The following FAM20C variants were observed in gnomAD, a reference collection of about 807,000 sequenced individuals.
FAM20C encodes the protein FAM20C golgi associated secretory pathway kinase.
In FAM20C, 40 loss-of-function variants were observed where a neutral mutation model predicts 51.5. The observed-to-expected ratio is 0.78, with a 90% CI of 0.60 to 1.01. The LOEUF is 1.01. FAM20C is among the 50% of genes least tolerant of loss of function. FAM20C has a pLI of 0.00. For synonymous variants in FAM20C, 406 were observed against 380.6 expected, an observed-to-expected ratio of 1.07 and a Z score of -0.78; for missense variants, 861 against 844.7, an observed-to-expected ratio of 1.02 and a Z score of -0.24.
At chr7:222,354 T>C (rs1787264087) in intron 3 of FAM20C, among the ~76,000 whole-genome samples, 1 of 151,952 alleles carries the variant, frequency 6.6e-6, no homozygotes, top group African/African-American at 2.4e-5. Context: ...AGTGCTGCAG[T>C]TGGGTACTGA....
chr7:194,057 CT>C, intron 1 of FAM20C: 1 of 500,586 alleles, frequency 2.0e-6, no homozygotes, highest in Middle Eastern at 5.3e-4. Context: ...ACCCCGCGCC[CT>C]TTAGAAGCGA....
chr7:227,228 G>T (rs780407671), intron 3 of FAM20C, among the ~76,000 whole-genome samples: 1 of 151,842 alleles, frequency 6.6e-6, no homozygotes, highest in South Asian at 2.1e-4. Flanking sequence ...GTGGGCCATC[G>T]TTCTAATTGT....
chr7:252,494 G>A (rs142936406), intron 5 of FAM20C, among the ~76,000 whole-genome samples: 1,628 of 144,646 alleles, frequency 0.011, 13 homozygotes, highest in Middle Eastern at 0.028. Context: ...TCCCAACCAC[G>A]GATGCCAGGT....
At chr7:226,083 G>A (rs1787432938) in intron 3 of FAM20C, among the ~76,000 whole-genome samples, 1 of 152,170 alleles carries the variant, frequency 6.6e-6, no homozygotes, top group Non-Finnish European at 1.5e-5. Flanking sequence ...GGTGATCTTG[G>A]GGGTCAGACA....
chr7:260,270 T>A lies in FAM20C; in HGVS notation c.*290T>A. Reference sequence around the variant, plus strand: ...GGAAAGGAGCCTTTATTTACTATTTTGTATTTATATTTGATGAATAAGTAT... The same window carrying A: ...GGAAAGGAGCCTTTATTTACTATTTAGTATTTATATTTGATGAATAAGTAT... On this transcript the variant is annotated 3_prime_UTR_variant, in exon 10 of 10. Coordinates refer to ENST00000313766, the MANE Select transcript of FAM20C (RefSeq NM_020223.4). 2.8e-6 allele frequency: 1 copy of A among 352,614 alleles called. No individual in the cohort carries two copies. Among genetic ancestry groups the A allele is most frequent in the Non-Finnish European group, 5.1e-6 (1 of 194,536 alleles). 21.8% of individuals were successfully genotyped at this position (352,614 alleles called of 1,614,324 possible). A position where few individuals can be genotyped will look rare whatever the true frequency, so the allele number is the denominator to read the frequency against.
intron 3 of FAM20C, among the ~76,000 whole-genome samples, chr7:217,685 C>T (rs1042191055): frequency 2.0e-5 from 3 of 152,150 alleles, no homozygotes; most frequent in East Asian, 1.9e-4. Flanking sequence ...GGGTTCTCTG[C>T]AGTCCCACGT....
chr7:250,641 G>A (rs1318673462), intron 5 of FAM20C, among the ~76,000 whole-genome samples: 4 of 152,118 alleles, frequency 2.6e-5, no homozygotes, highest in Non-Finnish European at 2.9e-5. Context: ...CCTGAGCTCC[G>A]GCCGCTGTCA....
chr7:204,231 A>G (rs1583284157), intron 2 of FAM20C, among the ~76,000 whole-genome samples: 1 of 152,316 alleles, frequency 6.6e-6, no homozygotes, highest in East Asian at 1.9e-4. Context: ...ACCCCCCGGT[A>G]CCCGGTGAGA....
At chr7:204,208 G>C (rs1005134553) in intron 2 of FAM20C, among the ~76,000 whole-genome samples, 1 of 151,864 alleles carries the variant, frequency 6.6e-6, no homozygotes, top group Non-Finnish European at 1.5e-5. Context: ...TACGCTGTTT[G>C]CTGTCATTGA....
chr7:232,190 G>A (rs1320531753), intron 3 of FAM20C, among the ~76,000 whole-genome samples: 1 of 152,230 alleles, frequency 6.6e-6, no homozygotes, highest in Admixed American at 6.5e-5. Flanking sequence ...TGCCTCCTCT[G>A]CAATGCTTCT....
chr7:195,984 C>G (rs1164388239), intron 2 of FAM20C, among the ~76,000 whole-genome samples: 1 of 152,264 alleles, frequency 6.6e-6, no homozygotes, highest in Non-Finnish European at 1.5e-5. Context: ...CCACTGCGCT[C>G]TGCGTCCTCA....
At chr7:237,705 T>C (rs930997164) in intron 3 of FAM20C, among the ~76,000 whole-genome samples, 8 of 143,612 alleles carry the variant, frequency 5.6e-5, no homozygotes, top group Non-Finnish European at 9.1e-5. Context: ...ATGGTGATAA[T>C]GATGATAATG....
At chr7:256,968 C>T (rs1264091251) in intron 7 of FAM20C, 37 bp from the exon 8 acceptor site, 1 of 1,534,814 alleles carries the variant, frequency 6.5e-7, no homozygotes, top group African/African-American at 1.4e-5. Context: ...TGGCCCGGCT[C>T]CCCACGAGCT....
chr7:259,590 T>TC lies in FAM20C; in HGVS notation c.1506-141_1506-140insC, dbSNP rs1233348805. On this transcript the variant is annotated intron_variant, in intron 9 of 9. Transcript: ENST00000313766. ...TCTTTCTCTGTGTATGTCTCTGTCT[T>TC]TTTCTCTCTGTCTCTGTCCCCCTCT... The TC allele has an allele frequency of 2.4e-5, 9 of 368,464 alleles. No individual in the cohort carries two copies. In the African/African-American group the frequency reaches 4.9e-4, roughly 20 times the overall value. The allele number at this position is 368,464 out of a possible 1,614,324, so 22.8% of individuals were successfully genotyped here. A position where few individuals can be genotyped will look rare whatever the true frequency, so the allele number is the denominator to read the frequency against.
intron 5 of FAM20C, among the ~76,000 whole-genome samples, chr7:254,070 G>A (rs553124343): frequency 2.1e-4 from 32 of 152,288 alleles, no homozygotes; most frequent in African/African-American, 6.0e-4. Context: ...GAGGGGGCGC[G>A]GGAAGGAGGG....
intron 8 of FAM20C, chr7:257,372 G>C: frequency 2.1e-6 from 1 of 469,426 alleles, no homozygotes; most frequent in South Asian, 2.3e-5. Flanking sequence ...GCTGCTGGTA[G>C]GAAGAGCAGG....
chr7:259,454 C>T (rs1379237935), intron 9 of FAM20C, among the ~76,000 whole-genome samples: 1 of 35,596 alleles, frequency 2.8e-5, no homozygotes, highest in African/African-American at 2.1e-4. Flanking sequence ...GTGTCTGTCT[C>T]TGTCTCTCTC....
At chr7:249,115 C>T (rs1402069134) in intron 5 of FAM20C, among the ~76,000 whole-genome samples, 2 of 152,270 alleles carry the variant, frequency 1.3e-5, no homozygotes, top group African/African-American at 4.8e-5. Flanking sequence ...GTCCTAGCCT[C>T]TCCAGGAAGC....
rs999812147 is a variant in FAM20C, at chr7:259,848, G to A, written c.1623G>A (p.Pro541=). The A allele has an allele frequency of 2.8e-5, 43 of 1,536,338 alleles. No homozygotes were observed. Among genetic ancestry groups the A allele is most frequent in the South Asian group, 5.9e-5 (5 of 84,056 alleles). The part of the protein sequence containing the change: ...GDQVAPVLYQ[P]HLEALDRRLR... ...AGGTGGCACCCGTGCTGTACCAGCC[G>A]CACCTGGAGGCCCTGGACCGGCGGC... is the stretch of plus-strand genomic sequence containing the variant. The change falls in exon 10 of 10, where the codon CCG becomes CCA. Residue 541 remains proline (P), a synonymous_variant. Coordinates refer to ENST00000313766, the MANE Select transcript of FAM20C (RefSeq NM_020223.4).
Sources: allele counts gnomAD v4.1 joint callset (sites outside exome capture counted in the v4.1 genomes callset), GRCh38; gene constraint gnomAD v4.1.1; transcripts MANE v1.5; gene names NCBI Gene and HGNC (gene_info 2026-07-23, HGNC 2026-07-21).